The following RYR3 variants were observed in gnomAD, a reference collection of about 807,000 sequenced individuals.
RYR3 encodes the protein ryanodine receptor 3, also known as brain ryanodine receptor-calcium release channel.
A neutral mutation model predicts 584.3 loss-of-function variants in RYR3; 207 were observed. That is an observed-to-expected ratio of 0.35 (90% confidence interval 0.32 to 0.40). The LOEUF is 0.40. Ranked by LOEUF, RYR3 falls within the 10% of genes least tolerant of loss-of-function variation. The pLI is 1.00. For synonymous variants in RYR3, 2,416 were observed against 2,248.5 expected, an observed-to-expected ratio of 1.07 and a Z score of -2.11; for missense variants, 5,616 against 6,089.2, an observed-to-expected ratio of 0.92 and a Z score of 2.59.
At chr15:33,635,078 T>C (rs2061436538) in intron 25 of RYR3, among the ~76,000 whole-genome samples, 2 of 152,216 alleles carry the variant, frequency 1.3e-5, no homozygotes, top group African/African-American at 2.4e-5. Flanking sequence ...AGCTTACTTT[T>C]AGATCAGGTA....
rs1466664774 is a variant in RYR3 at position 33,652,827 on chromosome 15, G to A, written c.4252G>A (p.Ala1418Thr). ...GGAGATCGGCTGTCTCGTGGATCTG[G>A]CCATGGGCATGTTGTCCTTCTCAGC... is the stretch of plus-strand genomic sequence containing the variant. ...DLEIGCLVDLAMGMLSFSANG... is the reference protein window; with the variant it reads ...DLEIGCLVDLTMGMLSFSANG... The change falls in exon 32 of 104, where the codon GCC becomes ACC. Residue 1418 changes from alanine (A) to threonine (T), a missense_variant. Around this residue, in one of 9 missense-constraint regions of RYR3, gnomAD observed 753 missense variants for 741.0 expected, o/e 1.02. Coordinates refer to ENST00000634891, the MANE Select transcript of RYR3 (RefSeq NM_001036.6). The A allele has an allele frequency of 6.2e-7, 1 of 1,613,728 alleles. No individual in the cohort carries two copies. The highest frequency in any genetic ancestry group is 1.3e-5 in the African/African-American group (1 of 74,922).
intron 67 of RYR3, among the ~76,000 whole-genome samples, chr15:33,794,037 T>G (rs1208507627): frequency 4.2e-5 from 3 of 72,014 alleles, no homozygotes; most frequent in African/African-American, 1.3e-4. Context: ...AATATATACA[T>G]AAATACATAT....
chr15:33,827,119 A>G (rs2077417065), intron 84 of RYR3, 80 bp from the exon 85 acceptor site: 1 of 1,152,852 alleles, frequency 8.7e-7, no homozygotes, highest in Admixed American at 2.0e-5. Context: ...AGAATGTCTT[A>G]TCTGAGCTCA....
rs148872204 is a variant in RYR3 at position 33,319,478 on chromosome 15, G to A, written c.51+8382G>A. ...AGTAATCCTCTCTTCTGTCCAGGCT[G>A]GCTAGAAGAGAACAGTTCAAGAATA... On this transcript the variant is annotated intron_variant, in intron 1 of 103. Coordinates refer to ENST00000634891, the MANE Select transcript of RYR3 (RefSeq NM_001036.6). Among the ~76,000 whole-genome samples the A allele has an allele frequency of 5.1e-3, 783 of 152,302 alleles. 6 individuals are homozygous for A. The highest frequency in any genetic ancestry group is 0.018 in the African/African-American group (747 of 41,552).
chr15:33,591,269 C>G (rs1456172050), intron 16 of RYR3, among the ~76,000 whole-genome samples: 1 of 152,196 alleles, frequency 6.6e-6, no homozygotes, highest in Non-Finnish European at 1.5e-5. Context: ...AATTGGTCTC[C>G]TCTCTTATGA....
chr15:33,749,854 T>C, intron 55 of RYR3, 125 bp from the exon 56 acceptor site: 2 of 720,306 alleles, frequency 2.8e-6, no homozygotes, highest in Non-Finnish European at 4.8e-6. Context: ...GGGAAGCCCT[T>C]GGCCGTCTGC....
chr15:33,846,298 C>G (rs1345209546), intron 93 of RYR3, among the ~76,000 whole-genome samples: 1 of 152,212 alleles, frequency 6.6e-6, no homozygotes, highest in African/African-American at 2.4e-5. Flanking sequence ...AGGCAAGTCA[C>G]ATGGCCATCC....
chr15:33,564,447 T>C (rs1328707511), intron 11 of RYR3, among the ~76,000 whole-genome samples: 1 of 152,154 alleles, frequency 6.6e-6, no homozygotes, highest in African/African-American at 2.4e-5. Flanking sequence ...CGTTGATCTT[T>C]AGAAGAGCTA....
rs1355309937 is a variant in RYR3, at chr15:33,368,427, C to G, written c.51+57331C>G. 2.1e-5 allele frequency among the ~76,000 whole-genome samples: 3 copies of G among 143,142 alleles called. No individual in the cohort carries two copies. The Admixed American group carries it at 2.2e-4, about 11-fold the overall frequency. 93.9% of individuals were successfully genotyped at this position (143,142 alleles called of 152,430 possible). On this transcript the variant is annotated intron_variant, in intron 1 of 103. Coordinates refer to ENST00000634891, the MANE Select transcript of RYR3 (RefSeq NM_001036.6). The stretch of plus-strand genomic sequence containing the variant: ...TCTGCTTCTCTTCTCTTAGAGTCAG[C>G]AGGGCTTTGTGGCTTGGGGAGACAC...
chr15:33,819,251 C>G (rs1158869776), intron 76 of RYR3, among the ~76,000 whole-genome samples: 3 of 152,240 alleles, frequency 2.0e-5, no homozygotes. Context: ...TGTTAAGCCC[C>G]TGCTGGTTCA....
intron 72 of RYR3, among the ~76,000 whole-genome samples, chr15:33,811,321 C>T (rs1346760732): frequency 6.6e-6 from 1 of 151,900 alleles, no homozygotes; most frequent in Non-Finnish European, 1.5e-5. Flanking sequence ...CTGGCTAACA[C>T]GGTGAAACCC....
chr15:33,323,084 C>A (rs1969203248), intron 1 of RYR3, among the ~76,000 whole-genome samples: 1 of 151,508 alleles, frequency 6.6e-6, no homozygotes, highest in African/African-American at 2.4e-5. Context: ...CTCTTCCGTG[C>A]TATAATATAT....
In RYR3 at chr15:33,454,723, T is replaced by C. The variant is rs2047404332; in HGVS notation, c.52-18696T>C. On this transcript the variant is annotated intron_variant, in intron 1 of 103. Coordinates refer to ENST00000634891, the MANE Select transcript of RYR3 (RefSeq NM_001036.6). ...GAAAATGAGGAGTGTGATAGAGGCA[T>C]GCATCCTAGGCCAAAAGAACAGCAT... Among the ~76,000 whole-genome samples, 6 of 152,176 alleles carry C rather than the reference T, an allele frequency of 3.9e-5. 1 individual carries two copies. The highest frequency in any genetic ancestry group is 1.4e-4 in the African/African-American group (6 of 41,456).
At chr15:33,847,960 G>C (rs1419647936) in intron 93 of RYR3, among the ~76,000 whole-genome samples, 5 of 152,182 alleles carry the variant, frequency 3.3e-5, no homozygotes, top group Admixed American at 3.3e-4. Context: ...TCCAGCCGAG[G>C]AGCCTTAGGA....
chr15:33,367,007 C>A (rs1475945304), intron 1 of RYR3, among the ~76,000 whole-genome samples: 2 of 152,188 alleles, frequency 1.3e-5, no homozygotes, highest in African/African-American at 4.8e-5. Flanking sequence ...CAATTTAGCA[C>A]TGGGATTGTA....
At chr15:33,787,053 C>T (rs1342311878) in intron 66 of RYR3, among the ~76,000 whole-genome samples, 3 of 152,142 alleles carry the variant, frequency 2.0e-5, no homozygotes, top group Non-Finnish European at 4.4e-5. Context: ...AAAATCTCCT[C>T]CCTTACCTCC....
intron 27 of RYR3, among the ~76,000 whole-genome samples, chr15:33,640,901 A>G (rs2061775769): frequency 6.6e-6 from 1 of 152,020 alleles, no homozygotes; most frequent in Admixed American, 6.5e-5. Context: ...CTCCAATCTC[A>G]TTTGAGGCTA....
At chr15:33,666,495 A>G (rs2063501531) in intron 36 of RYR3, among the ~76,000 whole-genome samples, 1 of 152,202 alleles carries the variant, frequency 6.6e-6, no homozygotes, top group Non-Finnish European at 1.5e-5. Context: ...GCACCTACCC[A>G]TAGAGTCATC....
At chr15:33,763,759 G>C (rs2072722523) in intron 60 of RYR3, among the ~76,000 whole-genome samples, 1 of 152,036 alleles carries the variant, frequency 6.6e-6, no homozygotes, top group South Asian at 2.1e-4. Flanking sequence ...CAGGCATGGT[G>C]GCACACGCCT....
Sources: allele counts gnomAD v4.1 joint callset (sites outside exome capture counted in the v4.1 genomes callset), GRCh38; gene constraint gnomAD v4.1.1; regional missense constraint gnomAD v4.1.1; transcripts MANE v1.5; gene names NCBI Gene and HGNC (gene_info 2026-07-23, HGNC 2026-07-21).